Variants in PEX5L observed in about 807,000 individuals in gnomAD.
The protein encoded by PEX5L is PEX5-related protein.
In PEX5L, 30 loss-of-function variants were observed where a neutral mutation model predicts 84.0. That is an observed-to-expected ratio of 0.36 (90% confidence interval 0.27 to 0.48). The LOEUF is 0.48. Among genes scored for constraint, PEX5L ranks in the 20% least tolerant of loss-of-function variants. The probability of loss-of-function intolerance (pLI) is 0.99; values close to 1 mark genes in which losing one functional copy is unlikely to be tolerated. For missense variants in PEX5L, 533 were observed against 754.6 expected, an observed-to-expected ratio of 0.71 and a Z score of 3.44; for synonymous variants, 270 against 283.1, an observed-to-expected ratio of 0.95 and a Z score of 0.46.
intron 2 of PEX5L, among the ~76,000 whole-genome samples, chr3:179,926,790 G>A (rs1447460376): frequency 6.6e-6 from 1 of 152,210 alleles, no homozygotes; most frequent in Non-Finnish European, 1.5e-5. Context: ...TGAAATGAAT[G>A]AGTAGATACA....
intron 1 of PEX5L, among the ~76,000 whole-genome samples, chr3:180,006,684 G>A (rs754487041): frequency 1.3e-5 from 2 of 152,202 alleles, no homozygotes; most frequent in African/African-American, 2.4e-5. Context: ...AATCATGGCA[G>A]GAGGTGAAAG....
At chr3:179,853,318 TAGAG>T (rs1170729684) in intron 8 of PEX5L, among the ~76,000 whole-genome samples, 1 of 152,238 alleles carries the variant, frequency 6.6e-6, no homozygotes, top group Non-Finnish European at 1.5e-5. Context: ...TTGCAGCACT[TAGAG>T]AGACTAGCTA....
intron 8 of PEX5L, among the ~76,000 whole-genome samples, chr3:179,846,350 T>G (rs971110612): frequency 2.6e-5 from 4 of 152,216 alleles, no homozygotes; most frequent in African/African-American, 9.7e-5. Flanking sequence ...TGAGAACATT[T>G]CAAATCTTCT....
chr3:179,840,566 G>A (rs1481523688), intron 8 of PEX5L, among the ~76,000 whole-genome samples: 1 of 152,124 alleles, frequency 6.6e-6, no homozygotes, highest in Non-Finnish European at 1.5e-5. Flanking sequence ...TGTGGTGAGA[G>A]GGGACTCTAA....
intron 7 of PEX5L, among the ~76,000 whole-genome samples, chr3:179,869,874 T>C (rs1474322437): frequency 3.3e-5 from 5 of 152,212 alleles, no homozygotes; most frequent in African/African-American, 1.2e-4. Flanking sequence ...ATGGCTTTTG[T>C]TATATATAGA....
chr3:179,978,403 G>A (rs1189672314), intron 1 of PEX5L, among the ~76,000 whole-genome samples: 2 of 152,122 alleles, frequency 1.3e-5, no homozygotes, highest in African/African-American at 2.4e-5. Context: ...CTTTAGGTAT[G>A]TACCTTTTAA....
intron 2 of PEX5L, among the ~76,000 whole-genome samples, chr3:179,956,794 TA>T (rs1780673302): frequency 6.6e-6 from 1 of 152,302 alleles, no homozygotes; most frequent in Admixed American, 6.5e-5. Context: ...CAGTGATGCT[TA>T]ACGGTGCATC....
chr3:179,851,780 C>T (rs913660656), intron 8 of PEX5L, among the ~76,000 whole-genome samples: 27 of 152,178 alleles, frequency 1.8e-4, no homozygotes, highest in Non-Finnish European at 3.2e-4. Context: ...TGGTGAAGGG[C>T]TGAATGTCCC....
intron 10 of PEX5L, among the ~76,000 whole-genome samples, chr3:179,812,982 C>T (rs1208169185): frequency 6.6e-6 from 1 of 152,054 alleles, no homozygotes; most frequent in East Asian, 1.9e-4. Flanking sequence ...TTTGGCTTTT[C>T]CTCTCATGGG....
intron 14 of PEX5L, chr3:179,803,955 C>G (rs1276750130): frequency 6.6e-6 from 1 of 152,186 alleles, no homozygotes; most frequent in African/African-American, 2.4e-5. Context: ...AAGGAGCCTA[C>G]TTGAGTAGAC....
rs1560796549 is a variant in PEX5L at position 179,936,553 on chromosome 3, C to G, written c.93+35041G>C. Among the ~76,000 whole-genome samples, 26 of 109,934 alleles carry G rather than the reference C, an allele frequency of 2.4e-4. 8 individuals carry two copies. The highest frequency in any genetic ancestry group is 8.1e-5 in the Non-Finnish European group (4 of 49,552). 72.1% of individuals were successfully genotyped at this position (109,934 alleles called of 152,430 possible). Reference sequence around the variant, plus strand: ...TTATATTTTCTCCTTTATGTTGATTCTGAGTAACTTAATTCTGCCCTGTTA... The same window carrying G: ...TTATATTTTCTCCTTTATGTTGATTGTGAGTAACTTAATTCTGCCCTGTTA... On this transcript the variant is annotated intron_variant, in intron 2 of 14. Transcript: ENST00000467460.
intron 2 of PEX5L, among the ~76,000 whole-genome samples, chr3:179,951,473 A>G (rs1158855230): frequency 6.6e-6 from 1 of 152,172 alleles, no homozygotes; most frequent in Non-Finnish European, 1.5e-5. Context: ...TTAAAAAAAA[A>G]GAAAAAAAGG....
intron 2 of PEX5L, among the ~76,000 whole-genome samples, chr3:179,967,794 T>C (rs1300178035): frequency 6.6e-6 from 1 of 152,174 alleles, no homozygotes; most frequent in African/African-American, 2.4e-5. Context: ...TCATAAAGTG[T>C]GGTCTGGAAC....
chr3:179,971,304 T>C (rs1020229888), intron 2 of PEX5L, among the ~76,000 whole-genome samples: 14 of 152,160 alleles, frequency 9.2e-5, no homozygotes, highest in African/African-American at 1.4e-4. Flanking sequence ...CAGATTATCA[T>C]TGGTGTTTTG....
chr3:179,936,421 A>G (rs1335143146), intron 2 of PEX5L, among the ~76,000 whole-genome samples: 2 of 152,236 alleles, frequency 1.3e-5, no homozygotes, highest in African/African-American at 4.8e-5. Flanking sequence ...TAGAAAATAA[A>G]GTGAGTTAAT....
chr3:179,842,574 A>T lies in PEX5L; in HGVS notation c.822+16488T>A, dbSNP rs182205693. Among the ~76,000 whole-genome samples, 220 of 152,206 alleles carry T rather than the reference A, an allele frequency of 1.4e-3. 1 individual carries two copies. The highest frequency in any genetic ancestry group is 5.0e-3 in the African/African-American group (208 of 41,542). ...ACAGTATGTAGAGTCATTTTATTGA[A>T]CTTTGAGCATCTACCCAGAATATGC... is the stretch of plus-strand genomic sequence containing the variant. On this transcript the variant is annotated intron_variant, in intron 8 of 14. Transcript: ENST00000467460.
chr3:179,916,814 T>C (rs936761465), intron 2 of PEX5L, among the ~76,000 whole-genome samples: 8 of 151,908 alleles, frequency 5.3e-5, no homozygotes, highest in African/African-American at 1.9e-4. Context: ...GGATTACAGG[T>C]GCACACCACC....
chr3:179,996,931 G>A (rs952180827), intron 1 of PEX5L, among the ~76,000 whole-genome samples: 9 of 152,108 alleles, frequency 5.9e-5, no homozygotes, highest in Admixed American at 4.6e-4. Flanking sequence ...GAAGTCTACC[G>A]CATTCCTACT....
chr3:179,986,181 T>TATATATATATATATATAA (rs58775648), intron 1 of PEX5L, among the ~76,000 whole-genome samples: 3 of 149,878 alleles, frequency 2.0e-5, no homozygotes, highest in African/African-American at 7.3e-5. Context: ...TATATATATA[T>TATATATATATATATATAA]AACTTTATGT....
Sources: gnomAD v4.1 joint callset for allele counts (sites outside exome capture counted in the v4.1 genomes callset) on GRCh38, gnomAD v4.1.1 for gene constraint, MANE v1.5 for transcripts, NCBI Gene and HGNC (gene_info 2026-07-23, HGNC 2026-07-21) for gene names.